Variants in AKIRIN1 observed in about 807,000 individuals in gnomAD.
AKIRIN1 encodes the protein akirin-1.
A neutral mutation model predicts 25.9 loss-of-function variants in AKIRIN1; 4 were observed. That is an observed-to-expected ratio of 0.15 (90% CI 0.08 to 0.35). AKIRIN1 has a LOEUF of 0.35. Ranked by LOEUF, AKIRIN1 falls within the 10% of genes least tolerant of loss-of-function variation. The probability of loss-of-function intolerance (pLI) is 1.00; values close to 1 mark genes in which losing one functional copy is unlikely to be tolerated. For synonymous variants in AKIRIN1, 125 were observed against 105.1 expected (o/e 1.19, Z -1.16); for missense variants, 243 against 266.1 (o/e 0.91, Z 0.61).
intron 1 of AKIRIN1, 101 bp from the exon 2 acceptor site, chr1:38,998,070 T>C: frequency 7.6e-7 from 1 of 1,317,486 alleles, no homozygotes; most frequent in Non-Finnish European, 1.0e-6. Flanking sequence ...AGGGAGTATC[T>C]AAAGTCTAGT....
At chr1:38,991,819 G>T (rs1209314225) in intron 1 of AKIRIN1, among the ~76,000 whole-genome samples, 1 of 152,174 alleles carries the variant, frequency 6.6e-6, no homozygotes, top group African/African-American at 2.4e-5. Context: ...GGTTTTCCTG[G>T]GGGAGGAGAG....
intron 1 of AKIRIN1, 26 bp downstream of exon 1, chr1:38,991,626 C>G: frequency 9.0e-7 from 1 of 1,110,806 alleles, no homozygotes; most frequent in Non-Finnish European, 1.1e-6. Flanking sequence ...CTGGGTTTGG[C>G]AGGAAGCCAG....
intron 1 of AKIRIN1, among the ~76,000 whole-genome samples, chr1:38,993,997 G>A (rs1643928232): frequency 6.6e-6 from 1 of 151,678 alleles, no homozygotes; most frequent in Non-Finnish European, 1.5e-5. Context: ...TTGAACCTGG[G>A]AGGCGGAGAT....
chr1:39,003,081 T>C (rs764931575), intron 3 of AKIRIN1, among the ~76,000 whole-genome samples: 29 of 152,344 alleles, frequency 1.9e-4, no homozygotes, highest in African/African-American at 7.0e-4. Flanking sequence ...GATAGAGTTA[T>C]GTCACGGGGG....
At chr1:38,997,604 C>T (rs1454432941) in intron 1 of AKIRIN1, among the ~76,000 whole-genome samples, 2 of 152,062 alleles carry the variant, frequency 1.3e-5, no homozygotes, top group Non-Finnish European at 2.9e-5. Context: ...GGGATCCTCC[C>T]GCCTCCCCCT....
chr1:38,993,491 A>G (rs1304751134), intron 1 of AKIRIN1, among the ~76,000 whole-genome samples: 1 of 151,830 alleles, frequency 6.6e-6, no homozygotes, highest in Admixed American at 6.6e-5. Context: ...TTTTGGGGGC[A>G]GTGGTGGCAT....
At chr1:38,999,325 A>G (rs564645722) in intron 2 of AKIRIN1, among the ~76,000 whole-genome samples, 4 of 152,238 alleles carry the variant, frequency 2.6e-5, no homozygotes, top group South Asian at 2.1e-4. Flanking sequence ...TTAGGGGAGA[A>G]TGAGGAGATA....
intron 1 of AKIRIN1, among the ~76,000 whole-genome samples, chr1:38,997,617 A>T (rs1222885368): frequency 6.6e-6 from 1 of 152,006 alleles, no homozygotes; most frequent in Non-Finnish European, 1.5e-5. Flanking sequence ...CTCCCCCTGC[A>T]GAGTAGCTGG....
intron 1 of AKIRIN1, among the ~76,000 whole-genome samples, chr1:38,992,384 A>G (rs1266273057): frequency 1.3e-5 from 2 of 152,192 alleles, no homozygotes; most frequent in South Asian, 2.1e-4. Context: ...AGGGTGCTTC[A>G]GCATTAATAT....
At chr1:39,000,872 C>A in intron 2 of AKIRIN1, 100 bp from the exon 3 acceptor site, 1 of 1,337,042 alleles carries the variant, frequency 7.5e-7, no homozygotes, top group South Asian at 1.5e-5. Context: ...TCAGGCTGGT[C>A]TCCACCTCAG....
chr1:38,994,714 C>T (rs545628626), intron 1 of AKIRIN1, among the ~76,000 whole-genome samples: 6 of 76,872 alleles, frequency 7.8e-5, no homozygotes, highest in South Asian at 6.8e-4. Flanking sequence ...TTTGAGATGA[C>T]GTTTCGCTCT....
chr1:39,003,484 T>C (rs935835517), intron 4 of AKIRIN1, 66 bp downstream of exon 4: 54 of 1,473,270 alleles, frequency 3.7e-5, no homozygotes, highest in Non-Finnish European at 4.7e-5. Context: ...CACTGAAACT[T>C]CTCTCCTCAG....
rs1422152275 is a variant in AKIRIN1 at position 38,991,598 on chromosome 1, C to G, written c.218C>G (p.Pro73Arg). The G allele has an allele frequency of 2.8e-6, 3 of 1,071,600 alleles. No homozygotes were observed. The South Asian group carries it at 6.3e-5, about 22-fold the overall frequency. The allele number at this position is 1,071,600 out of a possible 1,614,324, so 66.4% of individuals were successfully genotyped here. Residue 73 changes from proline (P) to arginine (R), a missense_variant and splice_region_variant, in exon 1 of 5, where the codon CCG (proline) becomes CGG (arginine). Transcript: ENST00000432648. ...PPGSERRLPT[P>R]EQIFQNIKQE... ...GGCAGCGAGCGGCGCCTTCCAACTC[C>G]GGGTAACCTGCCCTGCTCTGGGTTT... is the stretch of plus-strand genomic sequence containing the variant.
chr1:38,991,485 T>A lies in AKIRIN1; in HGVS notation c.105T>A (p.Thr35=). 1 of 1,442,180 alleles carries A rather than the reference T, an allele frequency of 6.9e-7. No individual in the cohort carries two copies. 89.3% of individuals were successfully genotyped at this position (1,442,180 alleles called of 1,614,324 possible). The change falls in exon 1 of 5, where the codon ACT becomes ACA. Residue 35 remains threonine (T), a synonymous_variant. Coordinates refer to ENST00000432648, the MANE Select transcript of AKIRIN1 (RefSeq NM_024595.3). ...RRRCAPLPGP[T]PGLRPPDAEP... ...GCTGCGCCCCTCTGCCCGGCCCCAC[T>A]CCGGGCCTCAGGCCCCCGGACGCCG...
At chr1:38,995,946 A>G (rs1324966569) in intron 1 of AKIRIN1, among the ~76,000 whole-genome samples, 2 of 152,158 alleles carry the variant, frequency 1.3e-5, no homozygotes, top group Non-Finnish European at 2.9e-5. Flanking sequence ...AGGCAGGAGA[A>G]TTGCTTGAAC....
Position 39,004,223 on chromosome 1 carries a change from G to A in AKIRIN1, c.*168G>A. On this transcript the variant is annotated 3_prime_UTR_variant, in exon 5 of 5. Coordinates refer to ENST00000432648, the MANE Select transcript of AKIRIN1 (RefSeq NM_024595.3). ...ACTTGAAAGACCGTAAAACTTTCTG[G>A]TTGCCACAAGCATATCTTTCTTTTC... The A allele has an allele frequency of 5.3e-6, 4 of 761,680 alleles. No homozygotes were observed. Among genetic ancestry groups the A allele is most frequent in the Non-Finnish European group, 9.4e-6 (4 of 426,476 alleles). 47.2% of individuals were successfully genotyped at this position (761,680 alleles called of 1,614,324 possible).
intron 1 of AKIRIN1, among the ~76,000 whole-genome samples, chr1:38,993,011 T>C (rs1263003282): frequency 6.6e-6 from 1 of 152,192 alleles, no homozygotes; most frequent in Non-Finnish European, 1.5e-5. Flanking sequence ...GATGGCCACT[T>C]GCAGTGATGT....
chr1:38,998,449 CTA>C, intron 2 of AKIRIN1, 138 bp downstream of exon 2: 3 of 1,040,550 alleles, frequency 2.9e-6, no homozygotes. Context: ...ATTTTTAAAA[CTA>C]TACAGTCATG....
At chr1:38,999,520 G>A (rs1643972619) in intron 2 of AKIRIN1, among the ~76,000 whole-genome samples, 2 of 152,184 alleles carry the variant, frequency 1.3e-5, no homozygotes, top group Admixed American at 1.3e-4. Context: ...CAGAGTTCCT[G>A]GCTCTGGAAC....
Sources: allele counts gnomAD v4.1 joint callset (sites outside exome capture counted in the v4.1 genomes callset), GRCh38; gene constraint gnomAD v4.1.1; transcripts MANE v1.5; gene names NCBI Gene and HGNC (gene_info 2026-07-23, HGNC 2026-07-21).